ASPH: variants seen among roughly 807,000 people sequenced by gnomAD.
The protein encoded by ASPH is aspartate beta-hydroxylase, also known as aspartyl/asparaginyl beta-hydroxylase.
In ASPH, 100 loss-of-function variants were observed where a neutral mutation model predicts 118.4. The ratio of observed to expected loss-of-function variants is 0.84; its 90% CI spans 0.72 to 1.00. ASPH has a LOEUF of 1.00. Ranked by LOEUF, ASPH falls within the 50% of genes least tolerant of loss-of-function variation. The probability of loss-of-function intolerance (pLI) is 0.00; values close to 1 mark genes in which losing one functional copy is unlikely to be tolerated. For synonymous variants in ASPH, 315 were observed against 325.6 expected, an observed-to-expected ratio of 0.97 and a Z score of 0.35; for missense variants, 920 against 919.5, an observed-to-expected ratio of 1.00 and a Z score of -0.01.
At chr8:61,601,735 C>T (rs1478008293) in intron 14 of ASPH, among the ~76,000 whole-genome samples, 3 of 150,768 alleles carry the variant, frequency 2.0e-5, no homozygotes, top group Non-Finnish European at 4.4e-5. Context: ...TCCACCAGAC[C>T]GATCAAGAAA....
At position 61,681,045 on chromosome 8, in the gene ASPH, G is replaced by C; in HGVS notation, c.254-9C>G. 2 of 1,577,940 alleles carry C rather than the reference G, an allele frequency of 1.3e-6. No individual in the cohort carries two copies. Among genetic ancestry groups the C allele is most frequent in the Non-Finnish European group, 1.7e-6 (2 of 1,162,488 alleles). ...ATAGATTCCTAGTTTTCCTATAATA[G>C]GGCAGAAATGATGGATATGGGAATA... On this transcript the variant is annotated splice_polypyrimidine_tract_variant and intron_variant, in intron 2 of 24. Transcript: ENST00000379454.
chr8:61,548,219 A>G lies in ASPH; in HGVS notation c.1627-11T>C, dbSNP rs777906320. On this transcript the variant is annotated splice_polypyrimidine_tract_variant and intron_variant, in intron 20 of 24. Transcript: ENST00000379454. ...ATACCACTTATATGCCTGAAGGAACAGAAAGAATGTGCTCCAAACTGTTCC... is the reference window on the plus strand; with the variant it reads ...ATACCACTTATATGCCTGAAGGAACGGAAAGAATGTGCTCCAAACTGTTCC... 1 of 1,610,938 alleles carries G rather than the reference A, an allele frequency of 6.2e-7. No homozygotes were observed. The highest frequency in any genetic ancestry group is 1.1e-5 in the South Asian group (1 of 90,466).
intron 24 of ASPH, among the ~76,000 whole-genome samples, chr8:61,508,786 C>A (rs1330249476): frequency 2.0e-5 from 3 of 152,182 alleles, no homozygotes; most frequent in Non-Finnish European, 4.4e-5. Flanking sequence ...AGATGACATG[C>A]TGAGGTGGCC....
At chr8:61,512,295 G>A (rs190888635) in intron 24 of ASPH, among the ~76,000 whole-genome samples, 2 of 152,258 alleles carry the variant, frequency 1.3e-5, no homozygotes, top group East Asian at 3.9e-4. Flanking sequence ...ATTAAGTTAA[G>A]GATTTTGAGA....
At chr8:61,573,841 T>A (rs562697370) in intron 16 of ASPH, among the ~76,000 whole-genome samples, 1 of 152,116 alleles carries the variant, frequency 6.6e-6, no homozygotes, top group African/African-American at 2.4e-5. Flanking sequence ...AAGCCAAAAT[T>A]GACAAATAGG....
chr8:61,517,278 C>T (rs1031524779), intron 24 of ASPH: 10 of 429,152 alleles, frequency 2.3e-5, no homozygotes, highest in Middle Eastern at 6.3e-4. Flanking sequence ...AGAAACAAGG[C>T]AGCTCCTCAA....
chr8:61,516,022 A>G (rs1404773689), intron 24 of ASPH, among the ~76,000 whole-genome samples: 1 of 152,188 alleles, frequency 6.6e-6, no homozygotes, highest in East Asian at 1.9e-4. Context: ...AAAGCCTCCT[A>G]TGATTTAGTT....
rs1806244520 is a variant in ASPH at position 61,643,428 on chromosome 8, T to C, written c.715A>G (p.Ser239Gly). 1.2e-6 allele frequency: 2 copies of C among 1,603,998 alleles called. No homozygotes were observed. The highest frequency in any genetic ancestry group is 8.5e-7 in the Non-Finnish European group (1 of 1,179,560). ...CTTTCATCTTCTACTACTGGTTCACTGGAATCTAAAAAACAAAAACACACC... is the reference window on the plus strand; with the variant it reads ...CTTTCATCTTCTACTACTGGTTCACCGGAATCTAAAAAACAAAAACACACC... ...MMSEQENPDS[S>G]EPVVEDERLH... Residue 239 changes from serine to glycine, a missense_variant, in exon 9 of 25, where the codon AGT (serine) becomes GGT (glycine). Transcript: ENST00000379454.
chr8:61,664,645 G>A (rs1292838849), intron 3 of ASPH: 2 of 985,960 alleles, frequency 2.0e-6, no homozygotes, highest in African/African-American at 3.5e-5. Flanking sequence ...TAAAAGACTT[G>A]GGGAGGGAGA....
chr8:61,694,706 C>T (rs1833511184), intron 1 of ASPH, among the ~76,000 whole-genome samples: 2 of 152,178 alleles, frequency 1.3e-5, no homozygotes, highest in Admixed American at 1.3e-4. Flanking sequence ...TTCTGTAATA[C>T]TTGTTCCTAT....
At chr8:61,650,904 CT>C in intron 5 of ASPH, 145 bp downstream of exon 5, 1 of 713,462 alleles carries the variant, frequency 1.4e-6, no homozygotes. Flanking sequence ...AAAACAACAC[CT>C]GCTATCTAAC....
intron 1 of ASPH, chr8:61,689,817 A>G: frequency 6.9e-7 from 1 of 1,456,210 alleles, no homozygotes; most frequent in East Asian, 2.6e-5. Flanking sequence ...AGACTGGCCA[A>G]TCCCTGCACT....
At chr8:61,703,660 T>C (rs1470987541) in intron 1 of ASPH, among the ~76,000 whole-genome samples, 1 of 152,074 alleles carries the variant, frequency 6.6e-6, no homozygotes, top group Non-Finnish European at 1.5e-5. Flanking sequence ...TATCATAAAT[T>C]AGAATGTGCA....
chr8:61,661,467 A>C (rs935576151), intron 3 of ASPH: 6 of 152,558 alleles, frequency 3.9e-5, no homozygotes, highest in African/African-American at 1.4e-4. Flanking sequence ...ACCATTTCCA[A>C]GGTGCATTTT....
In ASPH at chr8:61,684,205, G is replaced by A; in HGVS notation, c.104-17C>T. The A allele has an allele frequency of 1.3e-6, 2 of 1,595,550 alleles. No individual in the cohort carries two copies. The highest frequency in any genetic ancestry group is 1.1e-5 in the South Asian group (1 of 88,274). ...GCTTTGTCTCTGTTTAGAAATAAAT[G>A]TAAGATATCATAAGAAGAAAACATT... On this transcript the variant is annotated splice_polypyrimidine_tract_variant and intron_variant, in intron 1 of 24. Coordinates refer to ENST00000379454, the MANE Select transcript of ASPH (RefSeq NM_004318.4).
intron 3 of ASPH, among the ~76,000 whole-genome samples, chr8:61,655,151 A>G (rs568743546): frequency 3.9e-5 from 6 of 152,286 alleles, no homozygotes; most frequent in African/African-American, 1.2e-4. Flanking sequence ...CAATTGCTCA[A>G]TGAACACTTG....
intron 3 of ASPH, chr8:61,661,385 T>C (rs1384767154): frequency 1.3e-5 from 2 of 152,230 alleles, no homozygotes; most frequent in Non-Finnish European, 1.5e-5. Context: ...TTTACACATA[T>C]GCAACATTGA....
chr8:61,562,913 T>C (rs758062014), intron 17 of ASPH, 33 bp from the exon 18 acceptor site: 1 of 1,549,754 alleles, frequency 6.5e-7, no homozygotes. Context: ...AAAATAGAAA[T>C]AAAAACAGAT....
chr8:61,576,635 T>A, intron 16 of ASPH, 137 bp downstream of exon 16: 1 of 657,458 alleles, frequency 1.5e-6, no homozygotes, highest in Non-Finnish European at 2.5e-6. Flanking sequence ...ATAATTGTAT[T>A]TCTTGCTTAT....
Sources: gnomAD v4.1 joint callset for allele counts (sites outside exome capture counted in the v4.1 genomes callset) on GRCh38, gnomAD v4.1.1 for gene constraint, MANE v1.5 for transcripts, NCBI Gene and HGNC (gene_info 2026-07-23, HGNC 2026-07-21) for gene names.